Variants in SFMBT1 observed in about 807,000 individuals in gnomAD.
SFMBT1 encodes the protein Scm like with four mbt domains 1.
In SFMBT1, 32 loss-of-function variants were observed where a neutral mutation model predicts 108.7. That is an observed-to-expected ratio of 0.29 (90% confidence interval 0.22 to 0.40). SFMBT1 has a LOEUF of 0.40. Ranked by LOEUF, SFMBT1 falls within the 10% of genes least tolerant of loss-of-function variation. SFMBT1 has a pLI of 1.00. For synonymous variants in SFMBT1, 348 were observed against 369.5 expected (o/e 0.94, Z 0.67); for missense variants, 816 against 1,059.6 (o/e 0.77, Z 3.19).
chr3:53,025,528 G>A (rs1199968989), intron 1 of SFMBT1, among the ~76,000 whole-genome samples: 2 of 151,978 alleles, frequency 1.3e-5, no homozygotes, highest in Non-Finnish European at 2.9e-5. Context: ...GAGGTGAGAG[G>A]TCACTTGCGC....
intron 4 of SFMBT1, among the ~76,000 whole-genome samples, chr3:52,939,079 T>G (rs1003703729): frequency 6.6e-6 from 1 of 152,236 alleles, no homozygotes; most frequent in East Asian, 1.9e-4. Flanking sequence ...TGTTAATAAC[T>G]CTGATGAAAA....
At chr3:53,038,713 T>TA (rs1699941738) in intron 1 of SFMBT1, among the ~76,000 whole-genome samples, 1 of 152,230 alleles carries the variant, frequency 6.6e-6, no homozygotes, top group South Asian at 2.1e-4. Context: ...ACAGCAAATC[T>TA]AAAATACAAA....
chr3:53,008,628 T>C (rs371605629), intron 1 of SFMBT1, among the ~76,000 whole-genome samples: 18 of 148,474 alleles, frequency 1.2e-4, no homozygotes, highest in Admixed American at 2.0e-4. Flanking sequence ...TGACCCTAGG[T>C]AGACTTTTTT....
At chr3:53,031,947 T>C (rs1018078817) in intron 1 of SFMBT1, among the ~76,000 whole-genome samples, 2 of 152,228 alleles carry the variant, frequency 1.3e-5, no homozygotes, top group African/African-American at 4.8e-5. Flanking sequence ...ATATTTCTTA[T>C]AGTGAAAAGT....
At chr3:53,008,231 A>G (rs997105883) in intron 1 of SFMBT1, among the ~76,000 whole-genome samples, 8 of 152,196 alleles carry the variant, frequency 5.3e-5, no homozygotes, top group African/African-American at 1.9e-4. Context: ...CTTATGTAGA[A>G]GAATGTCCTT....
intron 1 of SFMBT1, among the ~76,000 whole-genome samples, chr3:53,034,369 G>C (rs1699796825): frequency 1.3e-5 from 2 of 152,082 alleles, no homozygotes; most frequent in Admixed American, 6.5e-5. Context: ...TTGAGGTCAG[G>C]AGTTTGAGAC....
At position 52,918,510 on chromosome 3, in the gene SFMBT1, T is replaced by C. The variant is rs1370667641; in HGVS notation, c.1389A>G (p.Lys463=). ...PRRARVYKQR[K]IAVVQPEKQV... ...GTTTTTCTGGCTGAACCACTGCAATTTTCCTCTGTTTATATACTGTAGAAA... is the reference window on the plus strand; with the variant it reads ...GTTTTTCTGGCTGAACCACTGCAATCTTCCTCTGTTTATATACTGTAGAAA... The change falls in exon 13 of 21, where the codon AAA becomes AAG. Residue 463 remains lysine, a synonymous_variant. Transcript: ENST00000394752. The C allele has an allele frequency of 6.4e-7, 1 of 1,562,970 alleles. No homozygotes were observed. The highest frequency in any genetic ancestry group is 8.6e-7 in the Non-Finnish European group (1 of 1,160,872).
At chr3:52,921,666 G>A (rs999226946) in intron 11 of SFMBT1, 39 bp downstream of exon 11, 1 of 1,604,058 alleles carries the variant, frequency 6.2e-7, no homozygotes, top group South Asian at 1.1e-5. Context: ...GCTCAAAGGA[G>A]AGTGGCCACA....
chr3:52,953,475 T>G (rs2106832422), intron 3 of SFMBT1, among the ~76,000 whole-genome samples: 1 of 151,784 alleles, frequency 6.6e-6, no homozygotes, highest in East Asian at 1.9e-4. Context: ...TAGATATAAA[T>G]TATAAACAAA....
At chr3:53,003,853 C>T (rs1429807098) in intron 1 of SFMBT1, among the ~76,000 whole-genome samples, 1 of 149,468 alleles carries the variant, frequency 6.7e-6, no homozygotes, top group African/African-American at 2.4e-5. Context: ...ACATTACATC[C>T]AAAATACATT....
At chr3:52,956,378 T>C (rs1054158822) in intron 2 of SFMBT1, among the ~76,000 whole-genome samples, 2 of 152,154 alleles carry the variant, frequency 1.3e-5, no homozygotes, top group Non-Finnish European at 2.9e-5. Context: ...GAGAATTGCT[T>C]GAACCTGGGA....
At chr3:53,001,844 A>T (rs907917362) in intron 1 of SFMBT1, among the ~76,000 whole-genome samples, 5 of 145,018 alleles carry the variant, frequency 3.4e-5, no homozygotes, top group Admixed American at 2.1e-4. Context: ...GAGGATATGT[A>T]GGCCCAGGAG....
At chr3:52,912,346 A>G (rs1404116198) in intron 16 of SFMBT1, among the ~76,000 whole-genome samples, 192 bp downstream of exon 16, 1 of 151,776 alleles carries the variant, frequency 6.6e-6, no homozygotes, top group Non-Finnish European at 1.5e-5. Context: ...TGTCTGGCTA[A>G]TTTTTGTATT....
chr3:52,959,522 A>G (rs116555370), intron 2 of SFMBT1, among the ~76,000 whole-genome samples: 3 of 152,144 alleles, frequency 2.0e-5, no homozygotes, highest in Admixed American at 1.3e-4. Context: ...CCATTCTTTA[A>G]TCATACTCTT....
chr3:52,999,493 T>C (rs774396887), intron 1 of SFMBT1, among the ~76,000 whole-genome samples: 7 of 150,182 alleles, frequency 4.7e-5, no homozygotes, highest in Non-Finnish European at 1.0e-4. Flanking sequence ...GCTCGGGACA[T>C]CGCAGGGGAG....
intron 2 of SFMBT1, among the ~76,000 whole-genome samples, chr3:52,967,810 G>A (rs1045737568): frequency 2.0e-5 from 3 of 152,178 alleles, no homozygotes; most frequent in Non-Finnish European, 4.4e-5. Context: ...TTAAACAAAA[G>A]TAATGACAAC....
rs1472449468 is a variant in SFMBT1, at chr3:52,958,886, T to A, written c.29-4475A>T. 3.3e-5 allele frequency among the ~76,000 whole-genome samples: 5 copies of A among 152,056 alleles called. No individual in the cohort carries two copies. The East Asian group carries it at 5.8e-4, about 18-fold the overall frequency. On this transcript the variant is annotated intron_variant, in intron 2 of 20. Coordinates refer to ENST00000394752, the MANE Select transcript of SFMBT1 (RefSeq NM_016329.4). ...GACATGGAATCAACCCAAATGCCCA[T>A]CAACAATAGACTGGATAAAGAAAAC...
At chr3:53,016,472 C>T (rs923972461) in intron 1 of SFMBT1, among the ~76,000 whole-genome samples, 5 of 152,210 alleles carry the variant, frequency 3.3e-5, no homozygotes, top group African/African-American at 4.8e-5. Context: ...AGTGGCTCTA[C>T]GTACTCAGTG....
intron 14 of SFMBT1, 76 bp downstream of exon 14, chr3:52,916,074 G>A (rs898445759): frequency 7.9e-7 from 1 of 1,267,572 alleles, no homozygotes; most frequent in Non-Finnish European, 1.1e-6. Flanking sequence ...CAAATGTACT[G>A]TTTTAAGTTA....
Sources: allele counts gnomAD v4.1 joint callset (sites outside exome capture counted in the v4.1 genomes callset), GRCh38; gene constraint gnomAD v4.1.1; transcripts MANE v1.5; gene names NCBI Gene and HGNC (gene_info 2026-07-23, HGNC 2026-07-21).